Variants in MROH7 observed in about 807,000 individuals in gnomAD.
MROH7 encodes the protein maestro heat-like repeat-containing protein family member 7.
MROH7 carries 113 observed loss-of-function variants against 129.2 expected under a neutral mutation model. That is an observed-to-expected ratio of 0.87 (90% confidence interval 0.75 to 1.02). The LOEUF is 1.02. Ranked by LOEUF, MROH7 falls within the 50% of genes least tolerant of loss-of-function variation. The pLI, the probability that MROH7 is intolerant of heterozygous loss-of-function variation, is 0.00. For synonymous variants in MROH7, 655 were observed against 667.9 expected, an observed-to-expected ratio of 0.98 and a Z score of 0.30; for missense variants, 1,601 against 1,671.3, an observed-to-expected ratio of 0.96 and a Z score of 0.73.
chr1:54,669,093 G>A (rs767834881), intron 5 of MROH7, among the ~76,000 whole-genome samples, 156 bp downstream of exon 5: 4 of 151,920 alleles, frequency 2.6e-5, no homozygotes, highest in Admixed American at 6.6e-5. Flanking sequence ...GCTCCACCTC[G>A]AACTGCCCTC....
chr1:54,661,972 A>G (rs534536652), intron 3 of MROH7, among the ~76,000 whole-genome samples: 2 of 151,430 alleles, frequency 1.3e-5, no homozygotes, highest in East Asian at 4.0e-4. Flanking sequence ...AATACATAGC[A>G]CTTTGGGAGG....
In MROH7 at chr1:54,658,296, G is replaced by A. The variant is rs572045214; in HGVS notation, c.1231+4139G>A. Among the ~76,000 whole-genome samples the A allele has an allele frequency of 2.6e-5, 4 of 152,214 alleles. No individual in the cohort carries two copies. In the South Asian group the frequency reaches 8.3e-4, roughly 32 times the overall value. ...TCAAAAATAGACCAACCATAAATGT[G>A]TTTATTTCTGGGTACTCTATTTTGT... On this transcript the variant is annotated intron_variant, in intron 3 of 23. Transcript: ENST00000421030.
intron 21 of MROH7, among the ~76,000 whole-genome samples, chr1:54,705,082 G>C (rs1171203762): frequency 6.6e-6 from 1 of 152,182 alleles, no homozygotes; most frequent in East Asian, 1.9e-4. Context: ...ACAGGTGTGA[G>C]CCACTGCACC....
chr1:54,705,810 C>G (rs938916576), intron 21 of MROH7, among the ~76,000 whole-genome samples: 3 of 152,164 alleles, frequency 2.0e-5, no homozygotes, highest in African/African-American at 7.2e-5. Context: ...CCTTGATACA[C>G]ATAGGTCGTC....
chr1:54,647,039 C>T (rs1569845806), intron 1 of MROH7, among the ~76,000 whole-genome samples: 1 of 152,212 alleles, frequency 6.6e-6, no homozygotes, highest in Admixed American at 6.5e-5. Flanking sequence ...ATCCATTAAT[C>T]AGTATGTGGC....
rs1181964027 is a variant in MROH7, at chr1:54,691,098, G to A, written c.2712-1326G>A. Among the ~76,000 whole-genome samples the A allele has an allele frequency of 1.3e-5, 2 of 152,198 alleles. 1 individual carries two copies. Among genetic ancestry groups the A allele is most frequent in the Admixed American group, 1.3e-4 (2 of 15,276 alleles). On this transcript the variant is annotated intron_variant, in intron 15 of 23. Transcript: ENST00000421030. ...TCAGCCAGTACTTGCAAAGGGAAGA[G>A]AATGGTGATGGGAGAATTGGACAAC... is the stretch of plus-strand genomic sequence containing the variant.
intron 3 of MROH7, among the ~76,000 whole-genome samples, chr1:54,658,004 AT>A (rs1644675019): frequency 6.6e-6 from 1 of 152,076 alleles, no homozygotes; most frequent in African/African-American, 2.4e-5. Context: ...TATTAAATAT[AT>A]TCATAATGTT....
intron 4 of MROH7, among the ~76,000 whole-genome samples, chr1:54,668,227 T>C (rs1352526199): frequency 1.3e-5 from 2 of 152,240 alleles, no homozygotes; most frequent in Admixed American, 6.5e-5. Context: ...ATTATTCTGC[T>C]GTTCAAAGCA....
intron 3 of MROH7, 70 bp downstream of exon 3, chr1:54,654,227 A>C: frequency 7.0e-7 from 1 of 1,424,320 alleles, no homozygotes; most frequent in Non-Finnish European, 9.3e-7. Flanking sequence ...CTCTTAGGGC[A>C]GGGAGAGGAG....
intron 5 of MROH7, among the ~76,000 whole-genome samples, 164 bp downstream of exon 5, chr1:54,669,101 C>T (rs1274386945): frequency 1.3e-5 from 2 of 152,010 alleles, no homozygotes; most frequent in Non-Finnish European, 2.9e-5. Flanking sequence ...TCGAACTGCC[C>T]TCCACCTACA....
Position 54,657,047 on chromosome 1 carries a change from TC to T in MROH7, c.1231+2891del, listed in dbSNP as rs1427423588. ...ATAAAAAACAAAAAAATTCTCACCATCTTTTTTTTTTTTTTTTTTAGACATG... is the reference window on the plus strand; with the variant it reads ...ATAAAAAACAAAAAAATTCTCACCATTTTTTTTTTTTTTTTTTTAGACATG... On this transcript the variant is annotated intron_variant, in intron 3 of 23. Transcript: ENST00000421030. 6.6e-4 allele frequency among the ~76,000 whole-genome samples: 92 copies of T among 139,272 alleles called. 1 individual carries two copies. The highest frequency in any genetic ancestry group is 4.9e-3 in the South Asian group (22 of 4,468). 91.4% of individuals were successfully genotyped at this position (139,272 alleles called of 152,430 possible).
intron 3 of MROH7, chr1:54,664,142 A>C (rs565784730): frequency 4.3e-5 from 7 of 164,616 alleles, no homozygotes; most frequent in African/African-American, 1.2e-4. Context: ...GCCCACACCT[A>C]TCTGAAGAGT....
chr1:54,665,257 A>C lies in MROH7; in HGVS notation c.1305+17A>C, dbSNP rs747441442. 1.2e-6 allele frequency: 2 copies of C among 1,608,582 alleles called. No homozygotes were observed. The highest frequency in any genetic ancestry group is 2.2e-5 in the South Asian group (2 of 90,900). On this transcript the variant is annotated intron_variant, in intron 4 of 23. Transcript: ENST00000421030. Reference sequence around the variant, plus strand: ...ATGGCTCTGGTATGCCTCCTGCCCAACCCCTAGCTGACTGTGCTGGGATAC... The same window carrying C: ...ATGGCTCTGGTATGCCTCCTGCCCACCCCCTAGCTGACTGTGCTGGGATAC...
At chr1:54,667,772 T>TAAA (rs36015308) in intron 4 of MROH7, among the ~76,000 whole-genome samples, 1 of 145,140 alleles carries the variant, frequency 6.9e-6, no homozygotes, top group South Asian at 2.2e-4. Flanking sequence ...ATTTACAAAG[T>TAAA]AAAAAAAAAA....
chr1:54,683,047 C>T (rs1243070333), intron 14 of MROH7, among the ~76,000 whole-genome samples: 1 of 152,108 alleles, frequency 6.6e-6, no homozygotes, highest in Non-Finnish European at 1.5e-5. Flanking sequence ...CAGTCTAAAT[C>T]CTGGTTCTGG....
At chr1:54,695,697 C>G (rs1376844592) in intron 17 of MROH7, 10 of 615,506 alleles carry the variant, frequency 1.6e-5, no homozygotes, top group Non-Finnish European at 2.4e-5. Context: ...CTTAACCAGA[C>G]TCCCCTAGTG....
At chr1:54,663,651 G>A (rs1477523446) in intron 3 of MROH7, 2 of 371,800 alleles carry the variant, frequency 5.4e-6, no homozygotes, top group African/African-American at 4.3e-5. Context: ...TGGGATTACT[G>A]GCGTGAGCCA....
intron 4 of MROH7, 112 bp from the exon 5 acceptor site, chr1:54,668,742 A>G (rs548789027): frequency 1.6e-5 from 12 of 729,496 alleles, no homozygotes; most frequent in East Asian, 1.5e-4. Context: ...TCTTGCACCA[A>G]TGCTGGCTTG....
At position 54,693,145 on chromosome 1, in the gene MROH7, C is replaced by T. The variant is rs186967010; in HGVS notation, c.2849+584C>T. 2.8e-3 allele frequency among the ~76,000 whole-genome samples: 420 copies of T among 152,272 alleles called. 2 individuals are homozygous for T. Among genetic ancestry groups the T allele is most frequent in the Non-Finnish European group, 5.1e-3 (349 of 68,016 alleles). On this transcript the variant is annotated intron_variant, in intron 16 of 23. Transcript: ENST00000421030. ...TTAGGAGTTCAAGAACAGCTTGAAC[C>T]TGCCTTTTAGACACAGTTATCAACA...
Sources: gnomAD v4.1 joint callset for allele counts (sites outside exome capture counted in the v4.1 genomes callset) on GRCh38, gnomAD v4.1.1 for gene constraint, MANE v1.5 for transcripts, NCBI Gene and HGNC (gene_info 2026-07-23, HGNC 2026-07-21) for gene names.